PTPN9: variants seen among roughly 807,000 people sequenced by gnomAD.
PTPN9 encodes protein tyrosine phosphatase non-receptor type 9, also known as tyrosine-protein phosphatase non-receptor type 9.
PTPN9 carries 26 observed loss-of-function variants against 69.8 expected under a neutral mutation model. The ratio of observed to expected loss-of-function variants is 0.37; its 90% CI spans 0.27 to 0.52. The LOEUF is 0.52. Ranked by LOEUF, PTPN9 falls within the 20% of genes least tolerant of loss-of-function variation. The pLI, the probability that PTPN9 is intolerant of heterozygous loss-of-function variation, is 0.91. For synonymous variants in PTPN9, 274 were observed against 272.5 expected, an observed-to-expected ratio of 1.01 and a Z score of -0.05; for missense variants, 549 against 740.3, an observed-to-expected ratio of 0.74 and a Z score of 3.00.
chr15:75,514,110 A>AG (rs1162722157), intron 5 of PTPN9, among the ~76,000 whole-genome samples: 1 of 151,576 alleles, frequency 6.6e-6, no homozygotes, highest in East Asian at 1.9e-4. Flanking sequence ...CAAAAAAAAA[A>AG]AAAAAAAGAA....
chr15:75,496,442 CAT>C (rs1414786766), intron 7 of PTPN9, among the ~76,000 whole-genome samples: 4 of 150,284 alleles, frequency 2.7e-5, no homozygotes, highest in Non-Finnish European at 4.4e-5. Flanking sequence ...AAAGTGGAGA[CAT>C]AGTATAAGAG....
At chr15:75,494,395 C>G (rs2074728392) in intron 7 of PTPN9, among the ~76,000 whole-genome samples, 1 of 152,036 alleles carries the variant, frequency 6.6e-6, no homozygotes, top group African/African-American at 2.4e-5. Context: ...CTCTGTCCCC[C>G]AGACTGGAGT....
chr15:75,487,141 T>A (rs1274129067), intron 8 of PTPN9: 2 of 152,002 alleles, frequency 1.3e-5, no homozygotes, highest in African/African-American at 4.8e-5. Context: ...ATACATATTT[T>A]AAAATATTAT....
intron 4 of PTPN9, among the ~76,000 whole-genome samples, chr15:75,518,098 A>G (rs2074880990): frequency 6.6e-6 from 1 of 152,222 alleles, no homozygotes; most frequent in Admixed American, 6.5e-5. Context: ...TAAGGCTGAC[A>G]TAGTGGTTCA....
chr15:75,539,634 C>T (rs900864290), intron 1 of PTPN9, among the ~76,000 whole-genome samples: 2 of 151,666 alleles, frequency 1.3e-5, no homozygotes, highest in South Asian at 2.1e-4. Flanking sequence ...TGGAGGACCA[C>T]GAAGGTAGAA....
chr15:75,529,649 A>G (rs970975372), intron 1 of PTPN9, among the ~76,000 whole-genome samples: 5 of 152,032 alleles, frequency 3.3e-5, no homozygotes, highest in Non-Finnish European at 5.9e-5. Context: ...GTGGCCCACA[A>G]CTATAATCCC....
At chr15:75,488,811 G>C (rs991799514) in intron 8 of PTPN9, among the ~76,000 whole-genome samples, 1 of 151,612 alleles carries the variant, frequency 6.6e-6, no homozygotes, top group Non-Finnish European at 1.5e-5. Context: ...TGTTTTTTAA[G>C]GATTTTACAA....
At chr15:75,480,445 A>T (rs1239169853) in intron 8 of PTPN9, among the ~76,000 whole-genome samples, 1 of 152,062 alleles carries the variant, frequency 6.6e-6, no homozygotes, top group Non-Finnish European at 1.5e-5. Flanking sequence ...TCTACTAAAA[A>T]TACAAAAAAG....
intron 7 of PTPN9, among the ~76,000 whole-genome samples, chr15:75,492,415 A>C (rs1217297718): frequency 6.6e-6 from 1 of 152,192 alleles, no homozygotes; most frequent in Non-Finnish European, 1.5e-5. Context: ...GAGAGACAAG[A>C]TGGCACACCC....
intron 4 of PTPN9, among the ~76,000 whole-genome samples, chr15:75,520,336 A>G (rs2074896234): frequency 6.6e-6 from 1 of 152,102 alleles, no homozygotes; most frequent in African/African-American, 2.4e-5. Flanking sequence ...GCTTGGATGC[A>G]TAATGAATGA....
intron 7 of PTPN9, among the ~76,000 whole-genome samples, chr15:75,503,573 C>A (rs1207397462): frequency 4.0e-5 from 4 of 100,450 alleles, no homozygotes; most frequent in East Asian, 2.8e-4. Flanking sequence ...CCCGGCCAGC[C>A]GCTCCGTCCG....
intron 4 of PTPN9, among the ~76,000 whole-genome samples, chr15:75,522,446 G>A (rs1484643502): frequency 6.6e-6 from 1 of 151,936 alleles, no homozygotes; most frequent in African/African-American, 2.4e-5. Context: ...CTGGAATGCA[G>A]TGGCGTGATC....
Position 75,489,866 on chromosome 15 carries a change from C to T in PTPN9, c.1062+342G>A, listed in dbSNP as rs143302724. Among the ~76,000 whole-genome samples the T allele has an allele frequency of 1.7e-3, 254 of 152,278 alleles. 1 individual carries two copies. Among genetic ancestry groups the T allele is most frequent in the African/African-American group, 5.0e-3 (206 of 41,560 alleles). ...TAATCAAAGTTGCTTTGTATTGATG[C>T]ATATATACTCACCAAAGGAATTGCA... On this transcript the variant is annotated intron_variant, in intron 8 of 12. Coordinates refer to ENST00000618819, the MANE Select transcript of PTPN9 (RefSeq NM_002833.4).
intron 1 of PTPN9, among the ~76,000 whole-genome samples, chr15:75,545,596 T>G (rs1420407214): frequency 6.6e-6 from 1 of 152,138 alleles, no homozygotes; most frequent in Non-Finnish European, 1.5e-5. Context: ...TCCCTGCCAA[T>G]ATCTTAACGT....
rs1325823260 is a variant in PTPN9 at position 75,530,742 on chromosome 15, T to C, written c.64-3481A>G. ...AATATATATAATATATATTATTATA[T>C]AATATATATAATATAATATATTATT... On this transcript the variant is annotated intron_variant, in intron 1 of 12. Transcript: ENST00000618819. Among the ~76,000 whole-genome samples, 7 of 66,352 alleles carry C rather than the reference T, an allele frequency of 1.1e-4. 1 individual carries two copies. The highest frequency in any genetic ancestry group is 3.8e-4 in the African/African-American group (6 of 15,754). The allele number at this position is 66,352 out of a possible 152,430, so 43.5% of individuals were successfully genotyped here.
rs1438565883 is a variant in PTPN9 at position 75,530,678 on chromosome 15, AT to A, written c.64-3418del. ...TATTATATAATATACTATTATATATATTATTATATTATAATATATATAATAT... is the reference window on the plus strand; with the variant it reads ...TATTATATAATATACTATTATATATATATTATATTATAATATATATAATAT... On this transcript the variant is annotated intron_variant, in intron 1 of 12. Transcript: ENST00000618819. Among the ~76,000 whole-genome samples the A allele has an allele frequency of 2.5e-4, 8 of 31,728 alleles. 2 individuals carry two copies. In the East Asian group the frequency reaches 0.011, roughly 44 times the overall value. 20.8% of individuals were successfully genotyped at this position (31,728 alleles called of 152,430 possible). A position where few individuals can be genotyped will look rare whatever the true frequency, so the allele number is the denominator to read the frequency against.
At chr15:75,563,656 T>C (rs2075114245) in intron 1 of PTPN9, among the ~76,000 whole-genome samples, 1 of 152,202 alleles carries the variant, frequency 6.6e-6, no homozygotes, top group South Asian at 2.1e-4. Context: ...CTAAGGTTGA[T>C]TCTATGTGTC....
intron 8 of PTPN9, among the ~76,000 whole-genome samples, chr15:75,482,456 T>A (rs1248109976): frequency 2.0e-5 from 3 of 146,924 alleles, no homozygotes; most frequent in East Asian, 4.2e-4. Flanking sequence ...TCCCAGCTAC[T>A]CGGGAGGCTG....
At chr15:75,487,173 C>T (rs1040343564) in intron 8 of PTPN9, 3 of 151,912 alleles carry the variant, frequency 2.0e-5, no homozygotes, top group Non-Finnish European at 2.9e-5. Context: ...TAAATATATA[C>T]AATTTCTATC....
Sources: allele counts gnomAD v4.1 joint callset (sites outside exome capture counted in the v4.1 genomes callset), GRCh38; gene constraint gnomAD v4.1.1; transcripts MANE v1.5; gene names NCBI Gene and HGNC (gene_info 2026-07-23, HGNC 2026-07-21).